Variants in CNTNAP2 observed in about 807,000 individuals in gnomAD.
CNTNAP2 encodes contactin-associated protein-like 2.
In CNTNAP2, 98 loss-of-function variants were observed where a neutral mutation model predicts 155.2. The ratio of observed to expected loss-of-function variants is 0.63; its 90% CI spans 0.54 to 0.75. The LOEUF (loss-of-function observed/expected upper bound fraction) is 0.75, where lower values mean the gene tolerates loss of function less well. Ranked by LOEUF, CNTNAP2 falls within the 30% of genes least tolerant of loss-of-function variation. The pLI, the probability that CNTNAP2 is intolerant of heterozygous loss-of-function variation, is 0.00. For missense variants in CNTNAP2, 1,727 were observed against 1,688.1 expected (o/e 1.02, Z -0.40); for synonymous variants, 651 against 631.2 (o/e 1.03, Z -0.47).
intron 19 of CNTNAP2, among the ~76,000 whole-genome samples, chr7:148,225,462 T>C (rs537263850): frequency 6.6e-6 from 1 of 151,932 alleles, no homozygotes; most frequent in South Asian, 2.1e-4. Flanking sequence ...CCAATGTGGA[T>C]GGTGAGGAGT....
chr7:147,106,441 G>A (rs1257028597), intron 4 of CNTNAP2, among the ~76,000 whole-genome samples: 2 of 152,046 alleles, frequency 1.3e-5, no homozygotes, highest in African/African-American at 2.4e-5. Flanking sequence ...AAAATTAAAC[G>A]ATTGATTTTT....
intron 2 of CNTNAP2, among the ~76,000 whole-genome samples, chr7:146,784,296 C>G (rs186018858): frequency 1.6e-4 from 25 of 152,210 alleles, no homozygotes; most frequent in African/African-American, 6.0e-4. Flanking sequence ...TTTGAAATGG[C>G]TCTGGAATAT....
chr7:146,985,724 T>G (rs1030835627), intron 3 of CNTNAP2, among the ~76,000 whole-genome samples: 2 of 152,128 alleles, frequency 1.3e-5, no homozygotes, highest in African/African-American at 4.8e-5. Flanking sequence ...TCACAAATAT[T>G]CTCCCTTTTC....
chr7:146,735,463 G>C (rs1337772383), intron 1 of CNTNAP2, among the ~76,000 whole-genome samples: 1 of 152,124 alleles, frequency 6.6e-6, no homozygotes, highest in Non-Finnish European at 1.5e-5. Flanking sequence ...GCTGAGGCAG[G>C]AGAATGGCGT....
intron 21 of CNTNAP2, among the ~76,000 whole-genome samples, chr7:148,323,431 C>CT (rs11453335): frequency 0.045 from 6,152 of 137,136 alleles, 187 homozygotes; most frequent in East Asian, 0.1. Flanking sequence ...AGGTAGTACA[C>CT]TTTTTTTTTT....
At chr7:146,903,653 G>T (rs1463754919) in intron 3 of CNTNAP2, among the ~76,000 whole-genome samples, 4 of 152,098 alleles carry the variant, frequency 2.6e-5, no homozygotes, top group Non-Finnish European at 5.9e-5. Flanking sequence ...CTTAGGCAAA[G>T]GAATCAGCGG....
intron 15 of CNTNAP2, among the ~76,000 whole-genome samples, chr7:148,108,312 C>T (rs1396356624): frequency 6.6e-6 from 1 of 151,752 alleles, no homozygotes; most frequent in East Asian, 1.9e-4. Context: ...AGGGCTGGTG[C>T]TCAAGGATGA....
intron 13 of CNTNAP2, among the ~76,000 whole-genome samples, chr7:147,798,661 A>T (rs969461690): frequency 7.2e-5 from 11 of 152,214 alleles, no homozygotes; most frequent in Admixed American, 1.3e-4. Context: ...TTTCCCTCTC[A>T]TTTTATTGGC....
intron 1 of CNTNAP2, among the ~76,000 whole-genome samples, chr7:146,459,325 G>A (rs1174949832): frequency 6.6e-6 from 1 of 152,150 alleles, no homozygotes; most frequent in Non-Finnish European, 1.5e-5. Context: ...ATTTCCACAT[G>A]CTGTTAGCAC....
chr7:147,710,063 C>A (rs539949626), intron 13 of CNTNAP2, among the ~76,000 whole-genome samples: 2 of 152,092 alleles, frequency 1.3e-5, no homozygotes, highest in African/African-American at 4.8e-5. Context: ...AAATTGTACA[C>A]CAACTTTGTT....
At chr7:146,561,305 A>C (rs535518329) in intron 1 of CNTNAP2, among the ~76,000 whole-genome samples, 1 of 152,294 alleles carries the variant, frequency 6.6e-6, no homozygotes, top group African/African-American at 2.4e-5. Context: ...CATATATAAA[A>C]GGGGCCATTA....
intron 1 of CNTNAP2, among the ~76,000 whole-genome samples, chr7:146,613,631 TA>T (rs1799176568): frequency 6.6e-6 from 1 of 152,206 alleles, no homozygotes; most frequent in Non-Finnish European, 1.5e-5. Context: ...ATATGAGAAC[TA>T]TAGGTAGGAT....
chr7:147,419,958 T>G (rs1797261067), intron 10 of CNTNAP2, among the ~76,000 whole-genome samples: 1 of 152,170 alleles, frequency 6.6e-6, no homozygotes, highest in Non-Finnish European at 1.5e-5. Context: ...CAGTCAAATT[T>G]CCTTCCCGAC....
intron 13 of CNTNAP2, among the ~76,000 whole-genome samples, chr7:147,740,546 G>A (rs567813705): frequency 6.6e-6 from 1 of 152,278 alleles, no homozygotes; most frequent in South Asian, 2.1e-4. Context: ...TATAAAGAAT[G>A]CATTGTTAAG....
chr7:147,629,594 G>T (rs192605474), intron 12 of CNTNAP2, among the ~76,000 whole-genome samples: 1 of 151,882 alleles, frequency 6.6e-6, no homozygotes, highest in African/African-American at 2.4e-5. Context: ...AACAAGTCTT[G>T]ATAAACTTAA....
intron 20 of CNTNAP2, among the ~76,000 whole-genome samples, chr7:148,235,494 C>T (rs1398342176): frequency 6.6e-6 from 1 of 152,108 alleles, no homozygotes; most frequent in Non-Finnish European, 1.5e-5. Context: ...GCTGGGCAGG[C>T]ACTCTGAGGA....
chr7:147,245,393 C>T lies in CNTNAP2; in HGVS notation c.1349-54748C>T, dbSNP rs78405354. On this transcript the variant is annotated intron_variant, in intron 8 of 23. Transcript: ENST00000361727. ...CTCTCTGTGGGGTAGCAAATAAGCC[C>T]TGTGGCCCCCTCAATCCACCTCAGC... Among the ~76,000 whole-genome samples, 1,191 of 152,174 alleles carry T rather than the reference C, an allele frequency of 7.8e-3. 13 individuals are homozygous for T. Among genetic ancestry groups the T allele is most frequent in the African/African-American group, 0.027 (1,127 of 41,496 alleles).
intron 1 of CNTNAP2, among the ~76,000 whole-genome samples, chr7:146,636,795 T>A (rs1401607407): frequency 1.3e-5 from 2 of 152,228 alleles, no homozygotes; most frequent in African/African-American, 2.4e-5. Flanking sequence ...CTCTGGCATT[T>A]CATTTGTTTG....
At chr7:146,336,037 T>C (rs1801268520) in intron 1 of CNTNAP2, among the ~76,000 whole-genome samples, 2 of 151,794 alleles carry the variant, frequency 1.3e-5, no homozygotes, top group South Asian at 4.2e-4. Flanking sequence ...CTGTCTCTAC[T>C]AAAAATACAA....
Sources: allele counts gnomAD v4.1 joint callset (sites outside exome capture counted in the v4.1 genomes callset), GRCh38; gene constraint gnomAD v4.1.1; transcripts MANE v1.5; gene names NCBI Gene and HGNC (gene_info 2026-07-23, HGNC 2026-07-21).